The following MYOM1 variants were observed in gnomAD, a reference collection of about 807,000 sequenced individuals.
MYOM1 encodes the protein myomesin 1, also known as myomesin-1.
A neutral mutation model predicts 205.3 loss-of-function variants in MYOM1; 164 were observed. That is an observed-to-expected ratio of 0.80 (90% CI 0.70 to 0.91). The LOEUF (loss-of-function observed/expected upper bound fraction) is 0.91, where lower values mean the gene tolerates loss of function less well. MYOM1 is among the 40% of genes least tolerant of loss of function. MYOM1 has a pLI of 0.00. For synonymous variants in MYOM1, 772 were observed against 789.4 expected (o/e 0.98, Z 0.37); for missense variants, 2,011 against 2,127.3 (o/e 0.95, Z 1.08).
intron 2 of MYOM1, among the ~76,000 whole-genome samples, chr18:3,207,886 G>A (rs2081144118): frequency 6.6e-6 from 1 of 152,182 alleles, no homozygotes; most frequent in East Asian, 1.9e-4. Flanking sequence ...GGGTATATCT[G>A]GTGCCATCTC....
intron 30 of MYOM1, 41 bp downstream of exon 30, chr18:3,085,997 A>G (rs772357146): frequency 7.9e-7 from 1 of 1,267,190 alleles, no homozygotes; most frequent in Non-Finnish European, 1.1e-6. Flanking sequence ...GATAGAGGGT[A>G]GAGAGCTAAT....
chr18:3,112,243 T>C, intron 22 of MYOM1, 55 bp downstream of exon 22: 2 of 1,457,424 alleles, frequency 1.4e-6, no homozygotes, highest in Non-Finnish European at 1.9e-6. Context: ...GGCCGAACCT[T>C]AGTTCAGTAT....
At chr18:3,145,204 G>A (rs2080107966) in intron 13 of MYOM1, among the ~76,000 whole-genome samples, 1 of 151,964 alleles carries the variant, frequency 6.6e-6, no homozygotes, top group Non-Finnish European at 1.5e-5. Context: ...AGCTACTCAT[G>A]GGGGCTGAAG....
intron 20 of MYOM1, among the ~76,000 whole-genome samples, chr18:3,117,028 T>C (rs2079616694): frequency 1.3e-5 from 2 of 152,136 alleles, no homozygotes; most frequent in Non-Finnish European, 2.9e-5. Flanking sequence ...GGCTAATTTT[T>C]TAAGTTTTTA....
rs193006519 is a variant in MYOM1, at chr18:3,164,324, C to G, written c.1455G>C (p.Arg485=). Residue 485 remains arginine (R), a synonymous_variant, in exon 10 of 38, where the codon CGG becomes CGC. Coordinates refer to ENST00000356443, the MANE Select transcript of MYOM1 (RefSeq NM_003803.4). ...EDEGLYTIRV[R]MGEYYEQYSA... ...TATATTGTTCATAATATTCTCCCAT[C>G]CGTACACGGATTGTATAGAGGCCTT... is the stretch of plus-strand genomic sequence containing the variant. 925 of 1,613,090 alleles carry G rather than the reference C, an allele frequency of 5.7e-4. 4 individuals carry two copies. The African/African-American group carries it at 0.011, about 18-fold the overall frequency.
At position 3,166,765 on chromosome 18, in the gene MYOM1, T is replaced by C. The variant is rs372365841; in HGVS notation, c.1339+2052A>G. Among the ~76,000 whole-genome samples, 135 of 152,354 alleles carry C rather than the reference T, an allele frequency of 8.9e-4. 1 individual carries two copies. The South Asian group carries it at 0.023, about 26-fold the overall frequency. On this transcript the variant is annotated intron_variant, in intron 9 of 37. Transcript: ENST00000356443. ...AGGCATTATCATTTACTACTTTTTC[T>C]TTCATTTTTCTGTATTTTTCCAAAA...
chr18:3,149,177 C>T lies in MYOM1; in HGVS notation c.1868G>A (p.Gly623Glu). The change falls in exon 13 of 38, where the codon GGA becomes GAA. Residue 623 changes from glycine (G) to glutamate (E), a missense_variant. Coordinates refer to ENST00000356443, the MANE Select transcript of MYOM1 (RefSeq NM_003803.4). ...TTCCTCTTCAGTAACAATGATCTGT[C>T]CAGTCCAGGGTGCTGAGGGGCGACC... ...LKSRPSAPWT[G>E]QIIVTEEEPS... The T allele has an allele frequency of 1.2e-6, 2 of 1,613,860 alleles. No individual in the cohort carries two copies. The highest frequency in any genetic ancestry group is 2.2e-5 in the South Asian group (2 of 91,068).
At position 3,219,435 on chromosome 18, in the gene MYOM1, C is replaced by T. The variant is rs2081306915; in HGVS notation, c.-29+368G>A. 6.6e-6 allele frequency among the ~76,000 whole-genome samples: 1 copy of T among 152,178 alleles called. No homozygotes were observed. Among genetic ancestry groups the T allele is most frequent in the Non-Finnish European group, 1.5e-5 (1 of 68,028 alleles). ...ACCAGGGAGCATTGTATGGCACATG[C>T]AGGATTGAAAATGCAGGGCCTCCTG... On this transcript the variant is annotated intron_variant, in intron 1 of 37. Coordinates refer to ENST00000356443, the MANE Select transcript of MYOM1 (RefSeq NM_003803.4). The surrounding 1 kb of genome is among the most constrained non-coding windows in gnomAD (Gnocchi z 4.4).
chr18:3,111,408 T>C (rs1284700471), intron 22 of MYOM1, among the ~76,000 whole-genome samples: 1 of 152,136 alleles, frequency 6.6e-6, no homozygotes, highest in Non-Finnish European at 1.5e-5. Flanking sequence ...CTGTCTTCTC[T>C]AGTAATCACG....
chr18:3,094,253 G>A lies in MYOM1; in HGVS notation c.3781C>T (p.Arg1261Trp), dbSNP rs776620810. 13 of 1,613,696 alleles carry A rather than the reference G, an allele frequency of 8.1e-6. No homozygotes were observed. Among genetic ancestry groups the A allele is most frequent in the South Asian group, 4.4e-5 (4 of 91,076 alleles). The change falls in exon 26 of 38, where the codon CGG becomes TGG. Residue 1261 changes from arginine (R) to tryptophan (W), a missense_variant. Transcript: ENST00000356443. ...AGTTTCTCAGCCTGCATCCAAAACC[G>A]GACCTGGCCTTTCTCCAAAATTTCA... ...AVEILEKGQV[R>W]FWMQAEKLSG...
upstream of MYOM1, among the ~76,000 whole-genome samples, chr18:3,223,958 T>C (rs1298122564): frequency 6.6e-6 from 1 of 151,856 alleles, no homozygotes; most frequent in Non-Finnish European, 1.5e-5. Context: ...AGGACTCTTA[T>C]CAGAAGCCAA....
intron 25 of MYOM1, among the ~76,000 whole-genome samples, chr18:3,097,603 C>T (rs2079322245): frequency 6.6e-6 from 1 of 151,822 alleles, no homozygotes; most frequent in African/African-American, 2.4e-5. Context: ...GATAGGGTTT[C>T]ACCATGTTGA....
At chr18:3,140,873 A>G (rs182807800) in intron 14 of MYOM1, among the ~76,000 whole-genome samples, 2 of 152,330 alleles carry the variant, frequency 1.3e-5, no homozygotes, top group East Asian at 3.9e-4. Flanking sequence ...GCTATCACAC[A>G]ATTTTATAAA....
intron 26 of MYOM1, among the ~76,000 whole-genome samples, chr18:3,091,624 A>C (rs1246999727): frequency 2.0e-5 from 3 of 152,234 alleles, no homozygotes; most frequent in Non-Finnish European, 4.4e-5. Context: ...ATTACTAAAA[A>C]GTCTGAAATT....
At chr18:3,083,538 C>T (rs2079113075) in intron 33 of MYOM1, among the ~76,000 whole-genome samples, 1 of 145,404 alleles carries the variant, frequency 6.9e-6, no homozygotes, top group South Asian at 2.2e-4. Context: ...AAGCAATTCT[C>T]ATGCCTCAGC....
At chr18:3,239,777 A>G in the MYOM1 span, among the ~76,000 whole-genome samples, 168 of 150,500 alleles carry the variant, frequency 1.1e-3, no homozygotes, top group African/African-American at 4.0e-3. Context: ...AAAAAAAAAA[A>G]AAAAAAGAAA....
rs2081312030 is a variant in MYOM1, at chr18:3,219,899, T to C, written c.-125A>G. On this transcript the variant is annotated 5_prime_UTR_variant, in exon 1 of 38. Transcript: ENST00000356443. The surrounding 1 kb of genome is among the most constrained non-coding windows in gnomAD (Gnocchi z 4.4). Reference sequence around the variant, plus strand: ...TCCACCTAGGTTGAATCCAAGACAATGTTAAGAGGCAGGGCTAAAGACAGG... The same window carrying C: ...TCCACCTAGGTTGAATCCAAGACAACGTTAAGAGGCAGGGCTAAAGACAGG... The C allele has an allele frequency of 6.6e-6, 1 of 152,094 alleles. No homozygotes were observed. The highest frequency in any genetic ancestry group is 2.4e-5 in the African/African-American group (1 of 41,382). The allele number at this position is 152,094 out of a possible 1,614,324, so 9.4% of individuals were successfully genotyped here.
At chr18:3,095,874 G>T (rs556824512) in intron 25 of MYOM1, among the ~76,000 whole-genome samples, 1 of 152,280 alleles carries the variant, frequency 6.6e-6, no homozygotes, top group East Asian at 1.9e-4. Flanking sequence ...CTCCCTTACA[G>T]GATGCTCATG....
In MYOM1 at chr18:3,072,350, CTTTT is replaced by C. The variant is rs78331937; in HGVS notation, c.4709-465_4709-462del. Reference sequence around the variant, plus strand: ...AGCAGGCGTGAGCCACCGCACCCGGCTTTTTTTTTTTTTTTTTTTTTGAGGCAGA... The same window carrying C: ...AGCAGGCGTGAGCCACCGCACCCGGCTTTTTTTTTTTTTTTTTGAGGCAGA... On this transcript the variant is annotated intron_variant, in intron 36 of 37. Coordinates refer to ENST00000356443, the MANE Select transcript of MYOM1 (RefSeq NM_003803.4). Among the ~76,000 whole-genome samples, 14 of 56,212 alleles carry C rather than the reference CTTTT, an allele frequency of 2.5e-4. 1 individual carries two copies. In the South Asian group the frequency reaches 3.9e-3, roughly 16 times the overall value. 36.9% of individuals were successfully genotyped at this position (56,212 alleles called of 152,430 possible). A position where few individuals can be genotyped will look rare whatever the true frequency, so the allele number is the denominator to read the frequency against.
Sources: allele counts gnomAD v4.1 joint callset (sites outside exome capture counted in the v4.1 genomes callset), GRCh38; gene constraint gnomAD v4.1.1; non-coding constraint Gnocchi (gnomAD v3.1); transcripts MANE v1.5; gene names NCBI Gene and HGNC (gene_info 2026-07-23, HGNC 2026-07-21).